The following HMGN3 variants were observed in gnomAD, a reference collection of about 807,000 sequenced individuals.
HMGN3 encodes the protein high mobility group nucleosomal binding domain 3.
HMGN3 carries 6 observed loss-of-function variants against 18.8 expected under a neutral mutation model. The ratio of observed to expected loss-of-function variants is 0.32; its 90% CI spans 0.18 to 0.63. HMGN3 has a LOEUF of 0.63. Ranked by LOEUF, HMGN3 falls within the 30% of genes least tolerant of loss-of-function variation. The pLI, the probability that HMGN3 is intolerant of heterozygous loss-of-function variation, is 0.79. For synonymous variants in HMGN3, 40 were observed against 36.5 expected (o/e 1.10, Z -0.35); for missense variants, 107 against 114.2 (o/e 0.94, Z 0.29).
chr6:79,208,510 A>C (rs199621047), intron 3 of HMGN3, 37 bp downstream of exon 3: 1 of 1,547,178 alleles, frequency 6.5e-7, no homozygotes, highest in Non-Finnish European at 8.9e-7. Context: ...ACATGTACTC[A>C]TAAGAACTAA....
At chr6:79,224,375 C>G (rs1469587331) in intron 1 of HMGN3, among the ~76,000 whole-genome samples, 1 of 152,176 alleles carries the variant, frequency 6.6e-6, no homozygotes, top group Non-Finnish European at 1.5e-5. Flanking sequence ...ACCTGTAGCC[C>G]TAGCCAAAGA....
At chr6:79,222,584 G>A (rs574370718) in intron 1 of HMGN3, among the ~76,000 whole-genome samples, 1 of 152,350 alleles carries the variant, frequency 6.6e-6, no homozygotes, top group South Asian at 2.1e-4. Context: ...AAGCCACCAA[G>A]CGATGTTTAA....
At chr6:79,234,446 G>T in intron 1 of HMGN3, 100 bp downstream of exon 1, 1 of 1,127,050 alleles carries the variant, frequency 8.9e-7, no homozygotes, top group Non-Finnish European at 1.3e-6. Flanking sequence ...CCCAATCCCC[G>T]GGTTACTACC....
chr6:79,228,147 G>A (rs1275012504), intron 1 of HMGN3, among the ~76,000 whole-genome samples: 1 of 152,176 alleles, frequency 6.6e-6, no homozygotes, highest in African/African-American at 2.4e-5. Flanking sequence ...ACTGCTCATA[G>A]CTTCTCTTGT....
exon 6 of HMGN3, chr6:79,201,323 T>C (rs1027408653): frequency 2.1e-5 from 4 of 192,918 alleles, no homozygotes; most frequent in African/African-American, 7.0e-5. Context: ...TTCATTAAAA[T>C]CACATAAAAC....
At chr6:79,225,358 C>T (rs1044369070) in intron 1 of HMGN3, among the ~76,000 whole-genome samples, 1 of 152,088 alleles carries the variant, frequency 6.6e-6, no homozygotes, top group Non-Finnish European at 1.5e-5. Context: ...TAAAAAATAA[C>T]ATCTGAAATA....
intron 1 of HMGN3, among the ~76,000 whole-genome samples, chr6:79,224,328 A>G (rs1234550791): frequency 6.6e-6 from 1 of 152,186 alleles, no homozygotes; most frequent in Non-Finnish European, 1.5e-5. Context: ...CTGGGATTCT[A>G]GAAGAGCAAA....
At chr6:79,206,762 C>T (rs1017150996) in intron 3 of HMGN3, among the ~76,000 whole-genome samples, 2 of 152,260 alleles carry the variant, frequency 1.3e-5, no homozygotes, top group South Asian at 4.1e-4. Flanking sequence ...CAGTTTGCAC[C>T]GTGTGCCTGG....
At chr6:79,202,909 T>C (rs974047912) in intron 4 of HMGN3, among the ~76,000 whole-genome samples, 1 of 152,052 alleles carries the variant, frequency 6.6e-6, no homozygotes, top group Non-Finnish European at 1.5e-5. Flanking sequence ...CAAAAGTGAG[T>C]TCTGTTTCTG....
intron 3 of HMGN3, 124 bp downstream of exon 3, chr6:79,208,423 G>T: frequency 1.2e-6 from 1 of 837,294 alleles, no homozygotes; most frequent in Admixed American, 2.0e-5. Context: ...AGGACCCTAG[G>T]TAATTTTCAA....
chr6:79,212,628 T>C (rs1776755090), intron 2 of HMGN3, among the ~76,000 whole-genome samples: 1 of 152,230 alleles, frequency 6.6e-6, no homozygotes, highest in African/African-American at 2.4e-5. Context: ...TAACTGTTGA[T>C]TGTAATGACT....
intron 1 of HMGN3, among the ~76,000 whole-genome samples, chr6:79,228,614 T>G (rs1777677599): frequency 6.6e-6 from 1 of 152,114 alleles, no homozygotes; most frequent in Non-Finnish European, 1.5e-5. Flanking sequence ...CATGAAAACA[T>G]AAAAGACTGA....
intron 2 of HMGN3, 125 bp downstream of exon 2, chr6:79,214,847 C>T (rs1776891970): frequency 3.1e-6 from 2 of 645,890 alleles, no homozygotes; most frequent in African/African-American, 1.9e-5. Context: ...TCTTAACAAC[C>T]TTGATCATTC....
chr6:79,210,478 C>G (rs919446768), intron 2 of HMGN3, among the ~76,000 whole-genome samples: 2 of 152,186 alleles, frequency 1.3e-5, no homozygotes, highest in South Asian at 2.1e-4. Flanking sequence ...TCTTGCCTCA[C>G]GTTCACCTCA....
intron 4 of HMGN3, 121 bp from the exon 5 acceptor site, chr6:79,202,510 T>A: frequency 1.2e-6 from 1 of 806,106 alleles, no homozygotes; most frequent in African/African-American, 1.7e-5. Flanking sequence ...TGGTGGCCTT[T>A]ATGGAGACAC....
intron 1 of HMGN3, among the ~76,000 whole-genome samples, chr6:79,219,936 C>T (rs996079800): frequency 1.3e-5 from 2 of 152,070 alleles, no homozygotes; most frequent in Non-Finnish European, 2.9e-5. Context: ...TATAATTTAC[C>T]AATCGCTGAT....
intron 3 of HMGN3, among the ~76,000 whole-genome samples, chr6:79,205,561 A>G (rs916876114): frequency 2.0e-5 from 3 of 152,224 alleles, no homozygotes; most frequent in African/African-American, 7.2e-5. Context: ...TGGAACTGTA[A>G]GTCCAATTAA....
intron 2 of HMGN3, among the ~76,000 whole-genome samples, chr6:79,211,725 T>C (rs1018145692): frequency 6.6e-6 from 1 of 152,094 alleles, no homozygotes; most frequent in Non-Finnish European, 1.5e-5. Context: ...AGTGGAATTA[T>C]CCCATAGGCA....
chr6:79,232,704 T>G (rs1004888437), intron 1 of HMGN3, among the ~76,000 whole-genome samples: 1 of 152,120 alleles, frequency 6.6e-6, no homozygotes, highest in African/African-American at 2.4e-5. Flanking sequence ...AAGGAAGGGT[T>G]CCATCGTCAG....
Sources: allele counts gnomAD v4.1 joint callset (sites outside exome capture counted in the v4.1 genomes callset), GRCh38; gene constraint gnomAD v4.1.1; transcripts MANE v1.5; gene names NCBI Gene and HGNC (gene_info 2026-07-23, HGNC 2026-07-21).